TMEM164: variants seen among roughly 807,000 people sequenced by gnomAD.
TMEM164 encodes transmembrane protein 164.
TMEM164 carries 4 observed loss-of-function variants against 18.8 expected under a neutral mutation model. The ratio of observed to expected loss-of-function variants is 0.21; its 90% confidence interval spans 0.10 to 0.49. TMEM164 has a LOEUF of 0.49. Ranked by LOEUF, TMEM164 falls within the 20% of genes least tolerant of loss-of-function variation. The pLI is 0.98. For synonymous variants in TMEM164, 86 were observed against 101.7 expected, an observed-to-expected ratio of 0.85 and a Z score of 0.93; for missense variants, 108 against 239.9, an observed-to-expected ratio of 0.45 and a Z score of 3.63.
At chrX:110,122,888 T>C (rs1331506867) in intron 4 of TMEM164, among the ~76,000 whole-genome samples, 1 of 112,592 alleles carries the variant, frequency 8.9e-6, no homozygotes, top group African/African-American at 3.2e-5. Context: ...CTTGATTGTA[T>C]CCTTTGAGGC....
intron 4 of TMEM164, among the ~76,000 whole-genome samples, chrX:110,125,978 G>A (rs2066523051): frequency 8.9e-6 from 1 of 112,314 alleles, no homozygotes; most frequent in African/African-American, 3.2e-5. Flanking sequence ...CGCATACACT[G>A]CTTCTCAGGC....
chrX:110,078,460 A>G (rs964281582), intron 3 of TMEM164, among the ~76,000 whole-genome samples: 3 of 112,237 alleles, frequency 2.7e-5, no homozygotes, highest in African/African-American at 9.7e-5. Flanking sequence ...CCTTTCAGAC[A>G]TTTCAATCTG....
intron 4 of TMEM164, among the ~76,000 whole-genome samples, chrX:110,121,327 T>C (rs1252229435): frequency 8.9e-6 from 1 of 112,378 alleles, no homozygotes; most frequent in Non-Finnish European, 1.9e-5. Flanking sequence ...CGAAAAGAAA[T>C]TGCATAAACA....
chrX:110,143,804 G>GGTGTGTGTGTGTGTGT (rs759024255), intron 4 of TMEM164, among the ~76,000 whole-genome samples: 329 of 103,057 alleles, frequency 3.2e-3, no homozygotes, highest in African/African-American at 0.011. Context: ...CATACTTTGG[G>GGTGTGTGTGTGTGTGT]GTGTGTGTGT....
At chrX:110,043,238 T>C (rs747648545) in intron 2 of TMEM164, among the ~76,000 whole-genome samples, 1 of 113,166 alleles carries the variant, frequency 8.8e-6, no homozygotes, top group African/African-American at 3.2e-5. Flanking sequence ...ACTGAAACTA[T>C]TTAAATTAAA....
At chrX:110,118,062 G>A (rs1046640238) in intron 4 of TMEM164, among the ~76,000 whole-genome samples, 1 of 111,736 alleles carries the variant, frequency 8.9e-6, no homozygotes, top group Non-Finnish European at 1.9e-5. Flanking sequence ...ACAGGCATGC[G>A]CCACCACGCC....
chrX:110,096,481 C>T (rs149417612), intron 3 of TMEM164, among the ~76,000 whole-genome samples: 1 of 112,905 alleles, frequency 8.9e-6, no homozygotes, highest in Non-Finnish European at 1.9e-5. Context: ...TGGGACCCTC[C>T]GAGGCCAGGT....
chrX:110,026,115 C>T (rs747449508), intron 2 of TMEM164, among the ~76,000 whole-genome samples: 1 of 112,378 alleles, frequency 8.9e-6, no homozygotes, highest in East Asian at 2.8e-4. Flanking sequence ...CCTCCTTGCT[C>T]CCCAAGAAAT....
intron 4 of TMEM164, among the ~76,000 whole-genome samples, chrX:110,119,032 A>G (rs1242713078): frequency 9.0e-6 from 1 of 111,459 alleles, no homozygotes; most frequent in Non-Finnish European, 1.9e-5. Flanking sequence ...CTTGGGTGCA[A>G]AGACAGAGGG....
At chrX:110,155,100 G>A (rs2066998305) in intron 5 of TMEM164, among the ~76,000 whole-genome samples, 1 of 111,566 alleles carries the variant, frequency 9.0e-6, no homozygotes, top group South Asian at 3.8e-4. Flanking sequence ...TAGAGGTCAG[G>A]ATTGTGCCTT....
At chrX:110,101,752 T>A (rs967537599) in intron 3 of TMEM164, among the ~76,000 whole-genome samples, 12 of 108,626 alleles carry the variant, frequency 1.1e-4, no homozygotes, top group African/African-American at 3.0e-4. Flanking sequence ...GCTAATTTTT[T>A]AAATTTTTTT....
intron 5 of TMEM164, among the ~76,000 whole-genome samples, chrX:110,168,834 C>T (rs1025612311): frequency 8.9e-6 from 1 of 112,809 alleles, no homozygotes; most frequent in African/African-American, 3.2e-5. Context: ...CCTACATCTC[C>T]ATGCTCGCCC....
intron 2 of TMEM164, among the ~76,000 whole-genome samples, chrX:110,042,352 C>A (rs1935134563): frequency 1.8e-5 from 2 of 111,717 alleles, no homozygotes; most frequent in Non-Finnish European, 3.8e-5. Flanking sequence ...TAGCATGTAT[C>A]AGAACTTTGT....
chrX:110,068,730 T>C (rs1003065280), intron 3 of TMEM164, among the ~76,000 whole-genome samples: 1 of 111,282 alleles, frequency 9.0e-6, no homozygotes, highest in African/African-American at 3.3e-5. Flanking sequence ...TTCTTTTCCC[T>C]TTTTTTCTTC....
intron 2 of TMEM164, among the ~76,000 whole-genome samples, chrX:110,043,655 A>G (rs1025438917): frequency 5.4e-5 from 6 of 111,087 alleles, no homozygotes; most frequent in African/African-American, 2.0e-4. Flanking sequence ...GGGGTTAAAA[A>G]TATCCTTTTC....
At chrX:110,011,088 G>A (rs998611840) in intron 2 of TMEM164, among the ~76,000 whole-genome samples, 4 of 111,403 alleles carry the variant, frequency 3.6e-5, no homozygotes, top group Non-Finnish European at 5.6e-5. Context: ...GATATTTATC[G>A]AATGCCTATT....
At chrX:110,006,984 G>C (rs149350246) in intron 2 of TMEM164, among the ~76,000 whole-genome samples, 1 of 112,346 alleles carries the variant, frequency 8.9e-6, no homozygotes, top group Non-Finnish European at 1.9e-5. Context: ...GGATGACTCA[G>C]TTTTGGCTTT....
intron 3 of TMEM164, among the ~76,000 whole-genome samples, chrX:110,097,117 G>A (rs554629862): frequency 7.2e-5 from 8 of 111,513 alleles, no homozygotes; most frequent in Non-Finnish European, 1.3e-4. Context: ...GATTACAGAC[G>A]CATGCCACCA....
At position 110,123,374 on chromosome X, in the gene TMEM164, A is replaced by AGT. The variant is rs923484925; in HGVS notation, c.507+14242_507+14243dup. Among the ~76,000 whole-genome samples, 22 of 110,588 alleles carry AGT rather than the reference A, an allele frequency of 2.0e-4. No individual in the cohort carries two copies. The South Asian group carries it at 6.4e-3, about 32-fold the overall frequency. On this transcript the variant is annotated intron_variant, in intron 4 of 6. Coordinates refer to ENST00000372068, the MANE Select transcript of TMEM164 (RefSeq NM_032227.4). Reference sequence around the variant, plus strand: ...ATTGTAACAAGATCTTCTGGGGATTAGTGTGTGTGTGTGTGAATGTTGAAA... The same window carrying AGT: ...ATTGTAACAAGATCTTCTGGGGATTAGTGTGTGTGTGTGTGTGAATGTTGAAA...
Sources: gnomAD v4.1 joint callset for allele counts (sites outside exome capture counted in the v4.1 genomes callset) on GRCh38, gnomAD v4.1.1 for gene constraint, MANE v1.5 for transcripts, NCBI Gene and HGNC (gene_info 2026-07-23, HGNC 2026-07-21) for gene names.